CNRIP1: variants seen among roughly 807,000 people sequenced by gnomAD.
CNRIP1 encodes cannabinoid receptor interacting protein 1, also known as CB1 cannabinoid receptor-interacting protein 1.
CNRIP1 carries 10 observed loss-of-function variants against 15.2 expected under a neutral mutation model. That is an observed-to-expected ratio of 0.66 (90% confidence interval 0.41 to 1.12). CNRIP1 has a LOEUF of 1.12. Ranked by LOEUF, CNRIP1 falls within the 50% of genes most tolerant of loss-of-function variation. The pLI, the probability that CNRIP1 is intolerant of heterozygous loss-of-function variation, is 0.00. For synonymous variants in CNRIP1, 91 were observed against 83.2 expected (o/e 1.09, Z -0.51); for missense variants, 211 against 214.7 (o/e 0.98, Z 0.11).
At chr2:68,296,556 ATATGTG>A (rs1453015627) in intron 2 of CNRIP1, among the ~76,000 whole-genome samples, 1 of 107,150 alleles carries the variant, frequency 9.3e-6, no homozygotes, top group Non-Finnish European at 2.0e-5. Context: ...GTATGTGTAT[ATATGTG>A]TATGTGTGTG....
In CNRIP1 at chr2:68,293,562, T is replaced by C; in HGVS notation, c.*300A>G. On this transcript the variant is annotated 3_prime_UTR_variant, in exon 3 of 3. Coordinates refer to ENST00000263655, the MANE Select transcript of CNRIP1 (RefSeq NM_015463.3). ...GGAATGGTCAAGAGCAGGACAAGCC[T>C]GCCAGGGCCACTGAACTCCAGTCAC... 1 of 1,077,740 alleles carries C rather than the reference T, an allele frequency of 9.3e-7. No homozygotes were observed. The highest frequency in any genetic ancestry group is 1.1e-6 in the Non-Finnish European group (1 of 885,294). The allele number at this position is 1,077,740 out of a possible 1,614,324, so 66.8% of individuals were successfully genotyped here.
Position 68,299,153 on chromosome 2 carries a change from A to G in CNRIP1, c.331-5127T>C, listed in dbSNP as rs550879827. 8.5e-5 allele frequency among the ~76,000 whole-genome samples: 13 copies of G among 152,344 alleles called. No homozygotes were observed. In the South Asian group the frequency reaches 2.7e-3, roughly 32 times the overall value. The stretch of plus-strand genomic sequence containing the variant: ...AGCCAGCCAATGATAGGAGCAGGAC[A>G]AGAACCTAGGTCTCCTAATTCCTAG... On this transcript the variant is annotated intron_variant, in intron 2 of 2. Coordinates refer to ENST00000263655, the MANE Select transcript of CNRIP1 (RefSeq NM_015463.3).
At chr2:68,284,810 C>CAAAAAAA (rs146572383) in intron 2 of CNRIP1, among the ~76,000 whole-genome samples, 2 of 73,762 alleles carry the variant, frequency 2.7e-5, no homozygotes, top group African/African-American at 8.6e-5. Context: ...GACTCTGTCT[C>CAAAAAAA]AAAAAAAAAA....
intron 2 of CNRIP1, among the ~76,000 whole-genome samples, chr2:68,301,893 C>CAAAAAAA (rs61613452): frequency 9.4e-5 from 7 of 74,264 alleles, no homozygotes; most frequent in African/African-American, 2.5e-4. Context: ...GTCTCCGTCT[C>CAAAAAAA]AAAAAAAAAA....
At chr2:68,315,714 C>T (rs1225274444) in intron 2 of CNRIP1, among the ~76,000 whole-genome samples, 3 of 152,100 alleles carry the variant, frequency 2.0e-5, no homozygotes, top group African/African-American at 7.2e-5. Context: ...TTACTCTTGT[C>T]ACCGAGGCTG....
intron 1 of CNRIP1, 129 bp from the exon 2 acceptor site, chr2:68,317,436 G>A (rs747467135): frequency 2.7e-4 from 246 of 906,724 alleles, no homozygotes; most frequent in Non-Finnish European, 3.8e-4. Context: ...GCGGGAGAAA[G>A]TTCTGCAAGT....
At chr2:68,288,013 C>A (rs912198125), downstream of CNRIP1, among the ~76,000 whole-genome samples, 1 of 152,112 alleles carries the variant, frequency 6.6e-6, no homozygotes, top group African/African-American at 2.4e-5. Context: ...GGAGAACTAA[C>A]CCCGTAAAGG....
At chr2:68,315,335 G>C (rs1672232386) in intron 2 of CNRIP1, among the ~76,000 whole-genome samples, 1 of 152,156 alleles carries the variant, frequency 6.6e-6, no homozygotes, top group Non-Finnish European at 1.5e-5. Context: ...CTAGTGCAGA[G>C]AGAAATGGAT....
At chr2:68,285,822 A>G (rs1249981798) in intron 2 of CNRIP1, among the ~76,000 whole-genome samples, 4 of 152,202 alleles carry the variant, frequency 2.6e-5, no homozygotes, top group African/African-American at 9.6e-5. Context: ...CACTGCCGCT[A>G]TCAGGATACA....
At chr2:68,299,806 T>C (rs561613725) in intron 2 of CNRIP1, among the ~76,000 whole-genome samples, 177 of 152,324 alleles carry the variant, frequency 1.2e-3, no homozygotes, top group Non-Finnish European at 2.1e-3. Flanking sequence ...CTGAAGAGCT[T>C]GTTTTAAACA....
intron 1 of CNRIP1, 42 bp from the exon 2 acceptor site, chr2:68,317,349 C>T (rs1226391043): frequency 6.2e-7 from 1 of 1,603,848 alleles, no homozygotes; most frequent in Admixed American, 1.7e-5. Flanking sequence ...TGAAATTAGC[C>T]TAGGCACCCT....
At chr2:68,297,078 A>G (rs998147862) in intron 2 of CNRIP1, among the ~76,000 whole-genome samples, 4 of 152,130 alleles carry the variant, frequency 2.6e-5, no homozygotes, top group African/African-American at 9.7e-5. Flanking sequence ...ATTTTCTTCT[A>G]TATTCTTATT....
At chr2:68,317,049 A>T in intron 2 of CNRIP1, 108 bp downstream of exon 2, 1 of 1,329,616 alleles carries the variant, frequency 7.5e-7, no homozygotes, top group Non-Finnish European at 1.1e-6. Context: ...TTTCCACAGT[A>T]ATTGGCTCCC....
intron 2 of CNRIP1, among the ~76,000 whole-genome samples, chr2:68,314,109 T>A (rs1672189874): frequency 6.6e-6 from 1 of 152,110 alleles, no homozygotes; most frequent in South Asian, 2.1e-4. Flanking sequence ...ACAGCACTAC[T>A]TTTTTGCTAT....
chr2:68,298,294 TAATAA>T (rs765433546), intron 2 of CNRIP1, among the ~76,000 whole-genome samples: 1 of 152,116 alleles, frequency 6.6e-6, no homozygotes, highest in South Asian at 2.1e-4. Context: ...AAATATTTTG[TAATAA>T]AATATACACT....
chr2:68,319,395 C>T lies in CNRIP1; in HGVS notation c.6G>A (p.Gly2=), dbSNP rs757498293. Residue 2 remains glycine (G), a synonymous_variant, in exon 1 of 3, where the codon GGG becomes GGA. Coordinates refer to ENST00000263655, the MANE Select transcript of CNRIP1 (RefSeq NM_015463.3). The part of the protein sequence containing the change: M[G]DLPGLVRLSI... Reference sequence around the variant, plus strand: ...AGAGGCGCACGAGGCCCGGCAGGTCCCCCATGTCTGGGCGAGGGTCTGGCG... The same window carrying T: ...AGAGGCGCACGAGGCCCGGCAGGTCTCCCATGTCTGGGCGAGGGTCTGGCG... 6 of 1,568,824 alleles carry T rather than the reference C, an allele frequency of 3.8e-6. No individual in the cohort carries two copies. In the South Asian group the frequency reaches 6.9e-5, roughly 18 times the overall value.
At chr2:68,300,344 T>G (rs939157922) in intron 2 of CNRIP1, among the ~76,000 whole-genome samples, 2 of 152,166 alleles carry the variant, frequency 1.3e-5, no homozygotes, top group Admixed American at 1.3e-4. Flanking sequence ...AGAGGCCGGG[T>G]GCAGTGGCTC....
chr2:68,286,328 ACAC>A (rs1671030787), intron 2 of CNRIP1, among the ~76,000 whole-genome samples: 1 of 151,986 alleles, frequency 6.6e-6, no homozygotes, highest in African/African-American at 2.4e-5. Context: ...ACACACACAC[ACAC>A]ACACACACAC....
exon 3 of CNRIP1, chr2:68,284,484 C>T (rs1219425412): frequency 2.0e-6 from 3 of 1,537,332 alleles, no homozygotes; most frequent in East Asian, 2.5e-5. Flanking sequence ...TCCAGGCACT[C>T]CTGAAAATAA....
Sources: gnomAD v4.1 joint callset for allele counts (sites outside exome capture counted in the v4.1 genomes callset) on GRCh38, gnomAD v4.1.1 for gene constraint, MANE v1.5 for transcripts, NCBI Gene and HGNC (gene_info 2026-07-23, HGNC 2026-07-21) for gene names.